Variants in PPP1R7 observed in about 807,000 individuals in gnomAD.
The protein encoded by PPP1R7 is protein phosphatase 1 regulatory subunit 22.
In PPP1R7, 18 loss-of-function variants were observed where a neutral mutation model predicts 45.2. That is an observed-to-expected ratio of 0.40 (90% CI 0.28 to 0.59). The LOEUF (loss-of-function observed/expected upper bound fraction) is 0.59. Among genes scored for constraint, PPP1R7 ranks in the 20% least tolerant of loss-of-function variants. The pLI is 0.46. For missense variants in PPP1R7, 314 were observed against 455.8 expected (o/e 0.69, Z 2.83); for synonymous variants, 181 against 183.4 (o/e 0.99, Z 0.11).
rs373211920 is a variant in PPP1R7 at position 241,167,050 on chromosome 2, G to A, written c.819+609G>A. ...CCCCGGCCCTTCTCACTCAGGTGCA[G>A]GACAGCCTCACGTACTGAGGGGAAG... is the stretch of plus-strand genomic sequence containing the variant. On this transcript the variant is annotated intron_variant, in intron 8 of 9. Transcript: ENST00000234038. The A allele has an allele frequency of 2.9e-5, 47 of 1,612,378 alleles. No individual in the cohort carries two copies. In the African/African-American group the frequency reaches 4.8e-4, roughly 16 times the overall value.
intron 2 of PPP1R7, chr2:241,155,384 T>C (rs1476053816): frequency 6.6e-6 from 1 of 152,192 alleles, no homozygotes; most frequent in African/African-American, 2.4e-5. Context: ...ATCCAAGTTT[T>C]TTCTTCGAGA....
At chr2:241,181,235 T>C (rs1574740054) in intron 9 of PPP1R7, among the ~76,000 whole-genome samples, 1 of 152,178 alleles carries the variant, frequency 6.6e-6, no homozygotes, top group East Asian at 1.9e-4. Flanking sequence ...CAGGCAAACC[T>C]GTGAGATGCA....
chr2:241,156,324 CA>C (rs1266444766), intron 2 of PPP1R7, among the ~76,000 whole-genome samples: 1 of 152,218 alleles, frequency 6.6e-6, no homozygotes, highest in Non-Finnish European at 1.5e-5. Context: ...CACTACAAGA[CA>C]AACAGCTTGT....
At chr2:241,180,726 C>T (rs990378810) in intron 9 of PPP1R7, among the ~76,000 whole-genome samples, 4 of 151,822 alleles carry the variant, frequency 2.6e-5, no homozygotes, top group East Asian at 1.9e-4. Flanking sequence ...TAAGAAGGTA[C>T]GCTCACGTCC....
At chr2:241,168,858 G>T (rs189781815) in intron 8 of PPP1R7, among the ~76,000 whole-genome samples, 19 of 152,280 alleles carry the variant, frequency 1.2e-4, no homozygotes, top group African/African-American at 3.9e-4. Context: ...TTGCTTTTGA[G>T]AAATTTTTTA....
intron 2 of PPP1R7, among the ~76,000 whole-genome samples, chr2:241,155,985 C>G (rs974226756): frequency 6.6e-6 from 1 of 151,966 alleles, no homozygotes; most frequent in Non-Finnish European, 1.5e-5. Context: ...TTTAACTAAC[C>G]ACAGTTGATG....
intron 2 of PPP1R7, 77 bp from the exon 3 acceptor site, chr2:241,157,730 C>G: frequency 6.9e-7 from 1 of 1,440,000 alleles, no homozygotes; most frequent in Non-Finnish European, 9.6e-7. Flanking sequence ...AGCCCCAGAC[C>G]TCAGCCAGAA....
intron 9 of PPP1R7, among the ~76,000 whole-genome samples, chr2:241,175,322 T>C (rs1314888497): frequency 6.6e-6 from 1 of 152,224 alleles, no homozygotes; most frequent in Non-Finnish European, 1.5e-5. Context: ...TCTGTACCCA[T>C]TAAACAATAA....
At chr2:241,149,998 C>T, upstream of PPP1R7, 3 of 1,410,214 alleles carry the variant, frequency 2.1e-6, no homozygotes, top group South Asian at 1.5e-5. Context: ...AATGTTGTTG[C>T]TCTTGCCGTT....
At position 241,182,017 on chromosome 2, in the gene PPP1R7, T is replaced by A. The variant is rs541417313; in HGVS notation, c.907-630T>A. 1.6e-3 allele frequency among the ~76,000 whole-genome samples: 232 copies of A among 144,900 alleles called. 2 individuals carry two copies. Among genetic ancestry groups the A allele is most frequent in the African/African-American group, 4.7e-3 (178 of 37,902 alleles). ...GACTCTGTCTCAAAAAAAAAAAAAA[T>A]GCAAGAGAACTCTTCCTGCCAAAGG... On this transcript the variant is annotated intron_variant, in intron 9 of 9. Coordinates refer to ENST00000234038, the MANE Select transcript of PPP1R7 (RefSeq NM_002712.3).
chr2:241,166,520 C>A, intron 8 of PPP1R7, 79 bp downstream of exon 8: 1 of 1,247,574 alleles, frequency 8.0e-7, no homozygotes. Flanking sequence ...CCAGCACACA[C>A]TGGCCTCTCG....
chr2:241,171,692 T>A (rs1327310978), intron 9 of PPP1R7, among the ~76,000 whole-genome samples: 2 of 152,244 alleles, frequency 1.3e-5, no homozygotes, highest in Non-Finnish European at 2.9e-5. Flanking sequence ...TCCATCAGTT[T>A]TTGTTTCTTG....
chr2:241,153,659 C>G, intron 2 of PPP1R7, 55 bp downstream of exon 2: 2 of 1,594,922 alleles, frequency 1.3e-6, no homozygotes, highest in African/African-American at 1.3e-5. Context: ...GTGGGCTGTG[C>G]TGCACGTGGT....
rs148035225 is a variant in PPP1R7 at position 241,151,969 on chromosome 2, A to G, written c.52+1422A>G. 2.0e-3 allele frequency among the ~76,000 whole-genome samples: 308 copies of G among 152,280 alleles called. 1 individual carries two copies. Among genetic ancestry groups the G allele is most frequent in the African/African-American group, 7.2e-3 (299 of 41,550 alleles). ...GTTCCAGACCCTCTCTGCTGCCCTC[A>G]GGCTTCACTTTGGCCAACCTTCGTT... On this transcript the variant is annotated intron_variant, in intron 1 of 9. Transcript: ENST00000234038.
At chr2:241,156,587 T>G (rs2067462384) in intron 2 of PPP1R7, among the ~76,000 whole-genome samples, 1 of 152,118 alleles carries the variant, frequency 6.6e-6, no homozygotes, top group South Asian at 2.1e-4. Flanking sequence ...AAGACAAGGA[T>G]TGCTTGAGCC....
intron 8 of PPP1R7, 126 bp from the exon 9 acceptor site, chr2:241,169,654 AC>A (rs2067780339): frequency 1.4e-6 from 1 of 734,702 alleles, no homozygotes; most frequent in African/African-American, 1.7e-5. Context: ...GCATGCCCTT[AC>A]CCTGTGAGGG....
rs564311092 is a variant in PPP1R7 at position 241,180,996 on chromosome 2, C to G, written c.907-1651C>G. Among the ~76,000 whole-genome samples, 4 of 152,240 alleles carry G rather than the reference C, an allele frequency of 2.6e-5. No individual in the cohort carries two copies. In the South Asian group the frequency reaches 8.3e-4, roughly 32 times the overall value. Reference sequence around the variant, plus strand: ...GGTGGATCACTTGAGGTCAGGAGTTCAAGACCAGGCTGGCCAACGTGGTGA... The same window carrying G: ...GGTGGATCACTTGAGGTCAGGAGTTGAAGACCAGGCTGGCCAACGTGGTGA... On this transcript the variant is annotated intron_variant, in intron 9 of 9. Coordinates refer to ENST00000234038, the MANE Select transcript of PPP1R7 (RefSeq NM_002712.3).
intron 9 of PPP1R7, among the ~76,000 whole-genome samples, chr2:241,170,360 T>C (rs1230577928): frequency 6.6e-6 from 1 of 152,244 alleles, no homozygotes; most frequent in Non-Finnish European, 1.5e-5. Context: ...GTATTTGTCT[T>C]GTCACAGGTA....
In PPP1R7 at chr2:241,163,336, A is replaced by G. The variant is rs1456295199; in HGVS notation, c.649A>G (p.Lys217Glu). The change falls in exon 7 of 10, where the codon AAA becomes GAA. Residue 217 changes from lysine to glutamate, a missense_variant. Lys to Glu is a moderately conservative substitution (Grantham distance 56). This residue lies in a region of PPP1R7 where 168 missense variants were observed against 285.3 expected (regional missense o/e 0.59). Transcript: ENST00000234038. ...LTNLESLFLG[K>E]NKITKLQNLD... ...CAACCTGGAGAGTTTGTTTTTGGGG[A>G]AAAACAAAATTACTAAACTTCAGAA... 5.0e-6 allele frequency: 8 copies of G among 1,613,854 alleles called. No individual in the cohort carries two copies. The highest frequency in any genetic ancestry group is 6.8e-6 in the Non-Finnish European group (8 of 1,179,940).
Sources: gnomAD v4.1 joint callset for allele counts (sites outside exome capture counted in the v4.1 genomes callset) on GRCh38, gnomAD v4.1.1 for gene constraint, gnomAD v4.1.1 regional missense constraint, MANE v1.5 for transcripts, NCBI Gene and HGNC (gene_info 2026-07-23, HGNC 2026-07-21) for gene names.